Variants in BTBD8 observed in about 807,000 individuals in gnomAD.
The protein encoded by BTBD8 is BTB/POZ domain-containing protein 8.
A neutral mutation model predicts 162.9 loss-of-function variants in BTBD8; 110 were observed. That is an observed-to-expected ratio of 0.68 (90% CI 0.58 to 0.79). The LOEUF is 0.79. Among genes scored for constraint, BTBD8 ranks in the 30% least tolerant of loss-of-function variants. The probability of loss-of-function intolerance (pLI) is 0.00; values close to 1 mark genes in which losing one functional copy is unlikely to be tolerated. For missense variants in BTBD8, 1,905 were observed against 2,085.4 expected (o/e 0.91, Z 1.68); for synonymous variants, 667 against 716.1 (o/e 0.93, Z 1.10).
At position 92,181,584 on chromosome 1, in the gene BTBD8, A is replaced by G; in HGVS notation, c.3901A>G (p.Ser1301Gly). 2 of 1,551,632 alleles carry G rather than the reference A, an allele frequency of 1.3e-6. No homozygotes were observed. The highest frequency in any genetic ancestry group is 1.7e-6 in the Non-Finnish European group (2 of 1,146,882). Residue 1301 changes from serine (S) to glycine (G), a missense_variant, in exon 17 of 18, where the codon AGC becomes GGC. By Grantham distance (56) the Ser-to-Gly change is moderately conservative. Around this residue, in one of 3 missense-constraint regions of BTBD8, gnomAD observed 517 missense variants for 606.6 expected, o/e 0.85. Transcript: ENST00000636805. Reference sequence around the variant, plus strand: ...GTGCCATGATTTTCTTGGAAGAAGTAGCAGTGATACCAGTACTCCTGAAGA... The same window carrying G: ...GTGCCATGATTTTCTTGGAAGAAGTGGCAGTGATACCAGTACTCCTGAAGA... ...MLCHDFLGRS[S>G]SDTSTPEELK... is the part of the protein sequence containing the mutation.
intron 7 of BTBD8, among the ~76,000 whole-genome samples, chr1:92,145,115 C>T (rs1649880085): frequency 6.6e-6 from 1 of 152,012 alleles, no homozygotes; most frequent in Non-Finnish European, 1.5e-5. Flanking sequence ...AGGCATGTGC[C>T]ACCACGCCTG....
chr1:92,160,920 C>T (rs1650259045), intron 9 of BTBD8, among the ~76,000 whole-genome samples: 1 of 152,172 alleles, frequency 6.6e-6, no homozygotes, highest in Non-Finnish European at 1.5e-5. Flanking sequence ...CACTCCAAGA[C>T]TGCAAGACAG....
intron 4 of BTBD8, among the ~76,000 whole-genome samples, chr1:92,122,262 A>AT (rs1649229564): frequency 1.2e-5 from 1 of 83,138 alleles, no homozygotes; most frequent in Admixed American, 1.3e-4. Context: ...TATTATTATT[A>AT]TTATTTTTTT....
intron 9 of BTBD8, among the ~76,000 whole-genome samples, chr1:92,151,150 C>T (rs746420538): frequency 1.3e-5 from 2 of 151,542 alleles, no homozygotes; most frequent in African/African-American, 2.4e-5. Context: ...GTCTGGAGTT[C>T]GAGACCACCT....
At position 92,166,486 on chromosome 1, in the gene BTBD8, G is replaced by A. The variant is rs375807964; in HGVS notation, c.1123-472G>A. ...GTCACCCAGGCCGGAGTGCAGTGGT[G>A]CGATCTCAGCTCACTGCAACCTCCG... On this transcript the variant is annotated intron_variant, in intron 9 of 17. Coordinates refer to ENST00000636805, the MANE Select transcript of BTBD8 (RefSeq NM_001376131.1). Among the ~76,000 whole-genome samples the A allele has an allele frequency of 9.5e-4, 134 of 140,632 alleles. 1 individual carries two copies. In the South Asian group the frequency reaches 0.027, roughly 28 times the overall value. 92.3% of individuals were successfully genotyped at this position (140,632 alleles called of 152,430 possible). A position where few individuals can be genotyped will look rare whatever the true frequency, so the allele number is the denominator to read the frequency against.
At chr1:92,167,264 C>T in intron 10 of BTBD8, 124 bp downstream of exon 10, 1 of 1,208,332 alleles carries the variant, frequency 8.3e-7, no homozygotes, top group Non-Finnish European at 1.1e-6. Context: ...AACTCCATAG[C>T]AGATGGCATG....
In BTBD8 at chr1:92,091,198, T is replaced by C. The variant is rs140649388; in HGVS notation, c.347+2303T>C. On this transcript the variant is annotated intron_variant, in intron 2 of 17. Coordinates refer to ENST00000636805, the MANE Select transcript of BTBD8 (RefSeq NM_001376131.1). ...CATGATAGTGAGTTCTCAGGAGATC[T>C]GGTTGTTTACAAGTGTGTAGCACCT... Among the ~76,000 whole-genome samples, 715 of 152,274 alleles carry C rather than the reference T, an allele frequency of 4.7e-3. 2 individuals carry two copies. Among genetic ancestry groups the C allele is most frequent in the African/African-American group, 0.016 (671 of 41,556 alleles).
intron 13 of BTBD8, among the ~76,000 whole-genome samples, chr1:92,175,552 T>C (rs1202708036): frequency 6.7e-6 from 1 of 149,288 alleles, no homozygotes; most frequent in Non-Finnish European, 1.5e-5. Flanking sequence ...CCTAGCACTT[T>C]GGGAGGCCGA....
Position 92,181,784 on chromosome 1 carries a change from C to T in BTBD8, c.4101C>T (p.Gly1367=), listed in dbSNP as rs1209870406. The T allele has an allele frequency of 1.9e-6, 3 of 1,551,192 alleles. No homozygotes were observed. Among genetic ancestry groups the T allele is most frequent in the Non-Finnish European group, 2.6e-6 (3 of 1,146,898 alleles). ...GGGAAAGAGAAAATATTCCACGAGG[C>T]AGTGTCCAGTTTGCTCAGGAAATAG... ...HSRERENIPR[G]SVQFAQEIDQ... The change falls in exon 17 of 18, where the codon GGC becomes GGT. Residue 1367 remains glycine, a synonymous_variant. Transcript: ENST00000636805.
intron 9 of BTBD8, among the ~76,000 whole-genome samples, chr1:92,148,794 C>T (rs895868947): frequency 6.6e-6 from 1 of 152,164 alleles, no homozygotes; most frequent in African/African-American, 2.4e-5. Context: ...GAAGTTGAGA[C>T]TGCCTTCCTG....
chr1:92,124,545 C>T (rs1467565658), intron 4 of BTBD8, among the ~76,000 whole-genome samples: 1 of 152,188 alleles, frequency 6.6e-6, no homozygotes, highest in East Asian at 1.9e-4. Context: ...TGTGCTACTG[C>T]ACTCCAGGCT....
intron 4 of BTBD8, among the ~76,000 whole-genome samples, chr1:92,118,282 CTTT>C (rs3040583): frequency 0.019 from 2,283 of 122,250 alleles, 35 homozygotes; most frequent in East Asian, 0.069. Flanking sequence ...TTCAGACTTT[CTTT>C]TTTTTTTTTT....
chr1:92,173,765 TAAA>T (rs1381152872), intron 13 of BTBD8, among the ~76,000 whole-genome samples: 4 of 152,192 alleles, frequency 2.6e-5, no homozygotes, highest in Non-Finnish European at 5.9e-5. Flanking sequence ...AATGGAGTAA[TAAA>T]ACCTAGCAGG....
chr1:92,165,351 T>G (rs1650361741), intron 9 of BTBD8, among the ~76,000 whole-genome samples: 1 of 152,056 alleles, frequency 6.6e-6, no homozygotes, highest in South Asian at 2.1e-4. Context: ...TACAGCCCAG[T>G]GAGGGAGACA....
intron 2 of BTBD8, among the ~76,000 whole-genome samples, chr1:92,098,738 A>G (rs1456707868): frequency 1.3e-5 from 2 of 152,178 alleles, no homozygotes; most frequent in African/African-American, 4.8e-5. Flanking sequence ...TTCTTTGGAA[A>G]ACTAATCACG....
chr1:92,160,824 C>T (rs185661238), intron 9 of BTBD8, among the ~76,000 whole-genome samples: 10 of 152,184 alleles, frequency 6.6e-5, no homozygotes, highest in Admixed American at 3.9e-4. Flanking sequence ...ATGCTAGGTC[C>T]CATTAGGAGG....
At position 92,107,995 on chromosome 1, in the gene BTBD8, C is replaced by T. The variant is rs781542833; in HGVS notation, c.656C>T (p.Ala219Val). The change falls in exon 4 of 18, where the codon GCT becomes GTT. Residue 219 changes from alanine (A) to valine (V), a missense_variant. Ala to Val is a moderately conservative substitution (Grantham distance 64). Transcript: ENST00000636805. ...DIFVDGKRFKAHRAILSARSS... is the reference protein window; with the variant it reads ...DIFVDGKRFKVHRAILSARSS... ...TTTGTTGATGGAAAACGTTTTAAAG[C>T]TCACAGGTAAATAGACACGACTGAT... is the stretch of plus-strand genomic sequence containing the variant. 4.3e-6 allele frequency: 7 copies of T among 1,610,776 alleles called. No individual in the cohort carries two copies. The highest frequency in any genetic ancestry group is 5.9e-6 in the Non-Finnish European group (7 of 1,177,206).
Position 92,126,178 on chromosome 1 carries a change from A to C in BTBD8, c.663-3509A>C, listed in dbSNP as rs113764242. ...GAAGATTGGCAGAAGATTGTGGTGC[A>C]GGGAGAACCAGGGGATGAGTTCCTT... On this transcript the variant is annotated intron_variant, in intron 4 of 17. Transcript: ENST00000636805. 5.4e-3 allele frequency: 2,763 copies of C among 510,820 alleles called. 66 individuals carry two copies. Among genetic ancestry groups the C allele is most frequent in the African/African-American group, 0.047 (2,399 of 51,428 alleles). 31.6% of individuals were successfully genotyped at this position (510,820 alleles called of 1,614,324 possible).
intron 1 of BTBD8, among the ~76,000 whole-genome samples, chr1:92,086,505 C>A (rs1414192997): frequency 2.0e-5 from 3 of 152,092 alleles, no homozygotes; most frequent in Non-Finnish European, 4.4e-5. Context: ...GTGATGCATG[C>A]CTGTGGTCCC....
Sources: allele counts gnomAD v4.1 joint callset (sites outside exome capture counted in the v4.1 genomes callset), GRCh38; gene constraint gnomAD v4.1.1; regional missense constraint gnomAD v4.1.1; transcripts MANE v1.5; gene names NCBI Gene and HGNC (gene_info 2026-07-23, HGNC 2026-07-21).